Variants in ZNF704 observed in about 807,000 individuals in gnomAD.
ZNF704 encodes zinc finger protein 704, also known as glucocorticoid induced gene 1.
In ZNF704, 10 loss-of-function variants were observed where a neutral mutation model predicts 44.7. The ratio of observed to expected loss-of-function variants is 0.22; its 90% CI spans 0.14 to 0.38. The LOEUF (loss-of-function observed/expected upper bound fraction) is 0.38. ZNF704 is among the 10% of genes least tolerant of loss of function. The probability of loss-of-function intolerance (pLI) is 1.00; values close to 1 mark genes in which losing one functional copy is unlikely to be tolerated. For synonymous variants in ZNF704, 211 were observed against 207.6 expected, an observed-to-expected ratio of 1.02 and a Z score of -0.14; for missense variants, 390 against 545.5, an observed-to-expected ratio of 0.71 and a Z score of 2.84.
At chr8:80,875,836 GGAT>G (rs2130094015), upstream of ZNF704, among the ~76,000 whole-genome samples, 1 of 152,304 alleles carries the variant, frequency 6.6e-6, no homozygotes, top group African/African-American at 2.4e-5. Flanking sequence ...TGTTGAACAG[GGAT>G]GATGACAAAG....
chr8:80,740,738 T>C (rs1291256482), intron 2 of ZNF704, among the ~76,000 whole-genome samples: 1 of 152,204 alleles, frequency 6.6e-6, no homozygotes, highest in Non-Finnish European at 1.5e-5. Flanking sequence ...TTCTTTGCCT[T>C]TGAAGATCCT....
intron 2 of ZNF704, among the ~76,000 whole-genome samples, chr8:80,746,375 C>A (rs1006618596): frequency 6.6e-5 from 10 of 152,146 alleles, no homozygotes; most frequent in African/African-American, 2.4e-4. Context: ...GGGTTTATGT[C>A]CTGGTCTATT....
At chr8:80,748,796 G>A (rs562910341) in intron 2 of ZNF704, among the ~76,000 whole-genome samples, 10 of 152,272 alleles carry the variant, frequency 6.6e-5, no homozygotes, top group Non-Finnish European at 1.3e-4. Flanking sequence ...GGAAGGGAGA[G>A]AAGAAGGAAG....
At chr8:80,674,830 G>C (rs1264791098) in intron 4 of ZNF704, among the ~76,000 whole-genome samples, 2 of 152,140 alleles carry the variant, frequency 1.3e-5, no homozygotes, top group Non-Finnish European at 2.9e-5. Context: ...TTTTTCAAAT[G>C]ATGAAGCTAT....
At chr8:80,857,977 G>C (rs567201430) in intron 1 of ZNF704, among the ~76,000 whole-genome samples, 1 of 152,166 alleles carries the variant, frequency 6.6e-6, no homozygotes, top group South Asian at 2.1e-4. Context: ...CATGTGGTCA[G>C]TTTTGTTAAC....
rs112551177 is a variant in ZNF704, at chr8:80,657,621, T to C, written c.1032+1964A>G. 2.7e-3 allele frequency among the ~76,000 whole-genome samples: 406 copies of C among 151,094 alleles called. 1 individual carries two copies. Among genetic ancestry groups the C allele is most frequent in the African/African-American group, 9.4e-3 (386 of 41,062 alleles). On this transcript the variant is annotated intron_variant, in intron 7 of 8. Transcript: ENST00000327835. Reference sequence around the variant, plus strand: ...AGTGGGGAAGATGAGCCCAGGGAGGTTGAGGCTGCAGTGAGCCGTGATGGC... The same window carrying C: ...AGTGGGGAAGATGAGCCCAGGGAGGCTGAGGCTGCAGTGAGCCGTGATGGC...
rs1388033803 is a variant in ZNF704 at position 80,633,896 on chromosome 8, C to T, written c.*7470G>A. 6.6e-6 allele frequency: 1 copy of T among 152,090 alleles called. No individual in the cohort carries two copies. Among genetic ancestry groups the T allele is most frequent in the Non-Finnish European group, 1.5e-5 (1 of 68,010 alleles). 9.4% of individuals were successfully genotyped at this position (152,090 alleles called of 1,614,324 possible). A position where few individuals can be genotyped will look rare whatever the true frequency, so the allele number is the denominator to read the frequency against. ...ATAATTTATTCTCATTTTGCTTTCC[C>T]CTCAAAGATGCTAGGGTTTTGTATG... On this transcript the variant is annotated 3_prime_UTR_variant, in exon 9 of 9. Coordinates refer to ENST00000327835, the MANE Select transcript of ZNF704 (RefSeq NM_001033723.3).
At chr8:80,688,170 T>C (rs1270475404) in intron 3 of ZNF704, among the ~76,000 whole-genome samples, 1 of 151,624 alleles carries the variant, frequency 6.6e-6, no homozygotes, top group African/African-American at 2.4e-5. Flanking sequence ...ACTGGGTCAC[T>C]GCACTCTAGC....
At chr8:80,808,240 A>G (rs1808022917) in intron 2 of ZNF704, among the ~76,000 whole-genome samples, 1 of 152,224 alleles carries the variant, frequency 6.6e-6, no homozygotes, top group South Asian at 2.1e-4. Context: ...CTTTGAAATT[A>G]TATTCCTCCC....
chr8:80,641,395 T>A lies in ZNF704; in HGVS notation c.1210A>T (p.Lys404Ter). ...TCGAGGAACCTCTGGCAGGCCTTCTTCCAGCGGCAGGCGGTACACCACATG... is the reference window on the plus strand; with the variant it reads ...TCGAGGAACCTCTGGCAGGCCTTCTACCAGCGGCAGGCGGTACACCACATG... Reference protein sequence around the residue: ...RDMWCTACRWKKACQRFLD With the variant: ...RDMWCTACRW The change falls in exon 9 of 9, where the codon AAG becomes TAG. Residue 404 changes from lysine to a stop codon, truncating the protein, a stop_gained. Coordinates refer to ENST00000327835, the MANE Select transcript of ZNF704 (RefSeq NM_001033723.3). LOFTEE classifies it high-confidence loss of function. 6.2e-7 allele frequency: 1 copy of A among 1,613,400 alleles called. No homozygotes were observed. Among genetic ancestry groups the A allele is most frequent in the South Asian group, 1.1e-5 (1 of 90,978 alleles).
intron 2 of ZNF704, among the ~76,000 whole-genome samples, chr8:80,752,726 A>G (rs1806965418): frequency 6.6e-6 from 1 of 152,054 alleles, no homozygotes; most frequent in Non-Finnish European, 1.5e-5. Context: ...TTTTTAGTAG[A>G]GAAAGGGTTT....
rs545125998 is a variant in ZNF704 at position 80,862,827 on chromosome 8, G to C, written c.-22+11744C>G. Among the ~76,000 whole-genome samples the C allele has an allele frequency of 4.2e-5, 6 of 143,950 alleles. No homozygotes were observed. The South Asian group carries it at 1.4e-3, about 32-fold the overall frequency. 94.4% of individuals were successfully genotyped at this position (143,950 alleles called of 152,430 possible). A position where few individuals can be genotyped will look rare whatever the true frequency, so the allele number is the denominator to read the frequency against. ...CTAAAAGAATTGTTGTCACTCAGCA[G>C]ATGGCTAAAAGCACACTTTCAGAGC... On this transcript the variant is annotated intron_variant, in intron 1 of 8. Coordinates refer to ENST00000327835, the MANE Select transcript of ZNF704 (RefSeq NM_001033723.3).
intron 1 of ZNF704, among the ~76,000 whole-genome samples, chr8:80,840,693 T>C (rs1272852906): frequency 1.3e-5 from 2 of 152,156 alleles, no homozygotes; most frequent in Non-Finnish European, 2.9e-5. Flanking sequence ...CTACCTCCTA[T>C]GTACTCTTCT....
At chr8:80,878,309 G>A (rs1251513313), upstream of ZNF704, among the ~76,000 whole-genome samples, 2 of 142,128 alleles carry the variant, frequency 1.4e-5, no homozygotes, top group South Asian at 2.2e-4. Context: ...AGGAAGGAAG[G>A]AAGAAAATCA....
intron 2 of ZNF704, among the ~76,000 whole-genome samples, chr8:80,796,728 G>A (rs956190340): frequency 2.0e-5 from 3 of 152,066 alleles, no homozygotes; most frequent in Non-Finnish European, 4.4e-5. Context: ...GGGTGTGGTG[G>A]CTCATGCTTG....
At chr8:80,800,425 A>T (rs1807879802) in intron 2 of ZNF704, among the ~76,000 whole-genome samples, 1 of 152,068 alleles carries the variant, frequency 6.6e-6, no homozygotes, top group Non-Finnish European at 1.5e-5. Flanking sequence ...AGGCCAGGTC[A>T]CCTACAAAGG....
chr8:80,857,546 A>G (rs1187466177), intron 1 of ZNF704, among the ~76,000 whole-genome samples: 1 of 152,168 alleles, frequency 6.6e-6, no homozygotes, highest in African/African-American at 2.4e-5. Context: ...TTTGATTTTT[A>G]GTATTTACAC....
chr8:80,738,498 G>C (rs1211364353), intron 2 of ZNF704, among the ~76,000 whole-genome samples: 1 of 151,840 alleles, frequency 6.6e-6, no homozygotes, highest in African/African-American at 2.4e-5. Context: ...GCTTAAAAAA[G>C]TTAAGTACTG....
intron 1 of ZNF704, among the ~76,000 whole-genome samples, chr8:80,837,869 G>C (rs1004955477): frequency 7.9e-5 from 12 of 152,062 alleles, no homozygotes; most frequent in African/African-American, 2.9e-4. Context: ...CACTGCCACA[G>C]CCAGAGCCGG....
Sources: gnomAD v4.1 joint callset for allele counts (sites outside exome capture counted in the v4.1 genomes callset) on GRCh38, gnomAD v4.1.1 for gene constraint, MANE v1.5 for transcripts, NCBI Gene and HGNC (gene_info 2026-07-23, HGNC 2026-07-21) for gene names.